Variants in OTUD5 observed in about 807,000 individuals in gnomAD.
OTUD5 encodes the protein OTU deubiquitinase 5.
Under a neutral mutation model 36.3 loss-of-function variants are expected in OTUD5, and 2 were observed. The observed-to-expected ratio is 0.06, with a 90% confidence interval of 0.02 to 0.17. The LOEUF (loss-of-function observed/expected upper bound fraction) is 0.17, where lower values mean the gene tolerates loss of function less well. OTUD5 is among the 10% of genes least tolerant of loss of function. The pLI is 1.00. For synonymous variants in OTUD5, 234 were observed against 214.9 expected, an observed-to-expected ratio of 1.09 and a Z score of -0.78; for missense variants, 233 against 512.3, an observed-to-expected ratio of 0.45 and a Z score of 5.26.
chrX:48,952,531 C>T (rs191205062), intron 1 of OTUD5, among the ~76,000 whole-genome samples: 182 of 112,352 alleles, frequency 1.6e-3, no homozygotes, highest in African/African-American at 5.1e-3. Flanking sequence ...CAGCCAAGGA[C>T]GCTGAACACT....
At chrX:48,957,990 G>C (rs1351288055), upstream of OTUD5, 1 of 174,565 alleles carries the variant, frequency 5.7e-6, no homozygotes, top group East Asian at 2.6e-4. Context: ...CCAGGGCACA[G>C]CCCCGCCCCT....
intron 2 of OTUD5, among the ~76,000 whole-genome samples, chrX:48,935,938 CAAAAAAAAAAAAA>C (rs3030315): frequency 5.4e-5 from 2 of 37,101 alleles, no homozygotes; most frequent in Admixed American, 7.4e-4. Flanking sequence ...GACTCTGTCT[CAAAAAAAAAAAAA>C]AAAAAAAAAA....
intron 2 of OTUD5, among the ~76,000 whole-genome samples, chrX:48,942,908 G>A (rs2147627126): frequency 9.0e-6 from 1 of 110,845 alleles, no homozygotes; most frequent in African/African-American, 3.3e-5. Flanking sequence ...GGAAAGAAGA[G>A]CTGCTTGCCT....
At chrX:48,944,120 G>T in intron 2 of OTUD5, 70 bp downstream of exon 2, 1 of 745,748 alleles carries the variant, frequency 1.3e-6, no homozygotes, top group Non-Finnish European at 2.1e-6. Context: ...TGTCTCAGGG[G>T]CTATTCCTGA....
chrX:48,944,103 T>A, intron 2 of OTUD5, 87 bp downstream of exon 2: 2 of 653,012 alleles, frequency 3.1e-6, no homozygotes, highest in Non-Finnish European at 4.9e-6. Flanking sequence ...TAGCTCTGCC[T>A]CAACCCTGTC....
chrX:48,945,437 AT>A (rs2064009850), intron 1 of OTUD5, among the ~76,000 whole-genome samples: 1 of 108,240 alleles, frequency 9.2e-6, no homozygotes, highest in Non-Finnish European at 1.9e-5. Context: ...TGCCTGGCTA[AT>A]TTTTTGTATT....
intron 2 of OTUD5, among the ~76,000 whole-genome samples, chrX:48,937,595 C>A (rs1363628084): frequency 8.9e-6 from 1 of 112,495 alleles, no homozygotes; most frequent in African/African-American, 3.2e-5. Context: ...CTGCCACTGA[C>A]CCCTTTGCCT....
At chrX:48,956,836 C>G in intron 1 of OTUD5, 141 bp downstream of exon 1, 1 of 652,682 alleles carries the variant, frequency 1.5e-6, no homozygotes, top group Middle Eastern at 3.6e-4. Context: ...GTCTCACATC[C>G]CTACCGCCAG....
chrX:48,950,857 C>T (rs188520162), intron 1 of OTUD5, among the ~76,000 whole-genome samples: 111 of 110,519 alleles, frequency 1.0e-3, no homozygotes, highest in African/African-American at 2.4e-3. Context: ...CCACCGCACC[C>T]GGCCAACTTC....
At chrX:48,930,348 T>C (rs1262182224) in intron 5 of OTUD5, among the ~76,000 whole-genome samples, 6 of 111,839 alleles carry the variant, frequency 5.4e-5, no homozygotes, top group African/African-American at 9.8e-5. Context: ...AACCAGTGCA[T>C]ATACATCTGA....
chrX:48,950,105 C>T lies in OTUD5; in HGVS notation c.595-5822G>A, dbSNP rs782065959. Among the ~76,000 whole-genome samples, 118 of 93,650 alleles carry T rather than the reference C, an allele frequency of 1.3e-3. 2 individuals are homozygous for T. The highest frequency in any genetic ancestry group is 4.4e-3 in the African/African-American group (105 of 24,120). The allele number at this position is 93,650 out of a possible 115,157, so 81.3% of individuals were successfully genotyped here. ...CGGAGGTTGCGGTGAGCCGAGACTG[C>T]GCCTGGGTGACAGAGTGAGATTCCA... On this transcript the variant is annotated intron_variant, in intron 1 of 8. Coordinates refer to ENST00000376488, the MANE Select transcript of OTUD5 (RefSeq NM_001136157.2).
Position 48,953,236 on chromosome X carries a change from G to A in OTUD5, c.594+3741C>T, listed in dbSNP as rs782159962. ...AGGCCTCCTGACAGGAAATCCCATC[G>A]AGCTTGTTCATTACAACATGGCTGC... On this transcript the variant is annotated intron_variant, in intron 1 of 8. Coordinates refer to ENST00000376488, the MANE Select transcript of OTUD5 (RefSeq NM_001136157.2). Among the ~76,000 whole-genome samples the A allele has an allele frequency of 4.5e-5, 5 of 111,348 alleles. No homozygotes were observed. In the Admixed American group the frequency reaches 4.8e-4, roughly 11 times the overall value.
intron 5 of OTUD5, among the ~76,000 whole-genome samples, chrX:48,933,412 G>C (rs6609811): frequency 0.47 from 43,272 of 92,798 alleles, 6,512 homozygotes; most frequent in East Asian, 0.69. Context: ...TAATATATTT[G>C]TAACTTTTTT....
At chrX:48,956,704 T>C (rs1444728940) in intron 1 of OTUD5, among the ~76,000 whole-genome samples, 1 of 110,833 alleles carries the variant, frequency 9.0e-6, no homozygotes, top group African/African-American at 3.3e-5. Flanking sequence ...ATTGGCCCTA[T>C]ATGATGAGGT....
chrX:48,923,061 G>A lies in OTUD5; in HGVS notation c.*113C>T. On this transcript the variant is annotated 3_prime_UTR_variant, in exon 9 of 9. Transcript: ENST00000376488. ...GGAAGTGAGGAGGAGGGAAAAGAGG[G>A]GAGAGCAGAAAGAACAGAAGGAGGC... 1 of 1,177,316 alleles carries A rather than the reference G, an allele frequency of 8.5e-7. No individual in the cohort carries two copies. Among genetic ancestry groups the A allele is most frequent in the Non-Finnish European group, 1.1e-6 (1 of 876,607 alleles).
chrX:48,951,396 C>CCT (rs1171279352), intron 1 of OTUD5, among the ~76,000 whole-genome samples: 7 of 111,582 alleles, frequency 6.3e-5, no homozygotes, highest in African/African-American at 2.3e-4. Flanking sequence ...GGGCGGATCA[C>CCT]GAAGTCAGGA....
intron 8 of OTUD5, 152 bp downstream of exon 8, chrX:48,923,481 C>T (rs891860992): frequency 6.0e-5 from 33 of 547,726 alleles, no homozygotes; most frequent in South Asian, 9.0e-5. Context: ...GGGGCAAATT[C>T]CTTGGATCTG....
chrX:48,929,592 A>AT (rs1236221953), intron 5 of OTUD5, among the ~76,000 whole-genome samples: 1 of 104,353 alleles, frequency 9.6e-6, no homozygotes, highest in Non-Finnish European at 2.0e-5. Context: ...GTGGTAGTGC[A>AT]TGCCTGTAAT....
chrX:48,945,924 T>A (rs2064020100), intron 1 of OTUD5, among the ~76,000 whole-genome samples: 1 of 111,065 alleles, frequency 9.0e-6, no homozygotes, highest in Admixed American at 9.6e-5. Flanking sequence ...GCAGCAGACC[T>A]TTCCTGGGCC....
Sources: gnomAD v4.1 joint callset for allele counts (sites outside exome capture counted in the v4.1 genomes callset) on GRCh38, gnomAD v4.1.1 for gene constraint, MANE v1.5 for transcripts, NCBI Gene and HGNC (gene_info 2026-07-23, HGNC 2026-07-21) for gene names.